Variants in ADGRB3 observed in about 807,000 individuals in gnomAD.
The protein encoded by ADGRB3 is brain-specific angiogenesis inhibitor 3.
In ADGRB3, 37 loss-of-function variants were observed where a neutral mutation model predicts 193.4. The ratio of observed to expected loss-of-function variants is 0.19; its 90% CI spans 0.15 to 0.25. The LOEUF (loss-of-function observed/expected upper bound fraction) is 0.25. Ranked by LOEUF, ADGRB3 falls within the 10% of genes least tolerant of loss-of-function variation. The pLI is 1.00. For missense variants in ADGRB3, 1,637 were observed against 1,852.9 expected, an observed-to-expected ratio of 0.88 and a Z score of 2.14; for synonymous variants, 690 against 644.2, an observed-to-expected ratio of 1.07 and a Z score of -1.08.
chr6:69,102,530 G>C (rs1211807060), intron 17 of ADGRB3, among the ~76,000 whole-genome samples: 1 of 152,126 alleles, frequency 6.6e-6, no homozygotes, highest in Admixed American at 6.5e-5. Flanking sequence ...TAGGGATCAG[G>C]GGTTGCTGGC....
At chr6:69,186,791 T>C (rs1279287067) in intron 17 of ADGRB3, among the ~76,000 whole-genome samples, 2 of 152,146 alleles carry the variant, frequency 1.3e-5, no homozygotes, top group East Asian at 3.9e-4. Context: ...TCAATGTGTG[T>C]CTGAATTTGT....
intron 3 of ADGRB3, among the ~76,000 whole-genome samples, chr6:68,716,673 A>G (rs922420591): frequency 2.6e-5 from 4 of 151,650 alleles, no homozygotes; most frequent in Non-Finnish European, 5.9e-5. Context: ...CACTGCAAAT[A>G]AGAGCTCTCT....
chr6:69,236,600 C>T (rs1029519660), intron 19 of ADGRB3, among the ~76,000 whole-genome samples: 6 of 151,920 alleles, frequency 3.9e-5, no homozygotes, highest in African/African-American at 1.4e-4. Flanking sequence ...TTGGTAATCA[C>T]AATAGTAACA....
At chr6:68,981,893 T>A (rs1470847077) in intron 10 of ADGRB3, among the ~76,000 whole-genome samples, 5 of 136,940 alleles carry the variant, frequency 3.7e-5, no homozygotes, top group African/African-American at 1.1e-4. Context: ...TATTTATTTA[T>A]TTTAGACAGA....
intron 15 of ADGRB3, among the ~76,000 whole-genome samples, chr6:69,054,759 C>A (rs1771497556): frequency 6.6e-6 from 1 of 151,498 alleles, no homozygotes; most frequent in Admixed American, 6.5e-5. Flanking sequence ...ATCTTAGCAA[C>A]CTACAGTGAA....
chr6:69,253,650 A>G (rs1766677725), intron 20 of ADGRB3, among the ~76,000 whole-genome samples: 1 of 152,090 alleles, frequency 6.6e-6, no homozygotes, highest in African/African-American at 2.4e-5. Flanking sequence ...TCTAGGGCAA[A>G]TACTCTGCTC....
chr6:68,845,736 T>A lies in ADGRB3; in HGVS notation c.758-84823T>A, dbSNP rs1417212869. On this transcript the variant is annotated intron_variant, in intron 3 of 31. Transcript: ENST00000370598. ...CATGATTGTAAGACCTCCCCAGCCATGTGAAACTGTAAGTCCAATTAAACT... is the reference window on the plus strand; with the variant it reads ...CATGATTGTAAGACCTCCCCAGCCAAGTGAAACTGTAAGTCCAATTAAACT... Among the ~76,000 whole-genome samples, 3 of 152,156 alleles carry A rather than the reference T, an allele frequency of 2.0e-5. No homozygotes were observed. In the East Asian group the frequency reaches 5.8e-4, roughly 29 times the overall value.
chr6:68,832,068 T>G (rs1316107587), intron 3 of ADGRB3, among the ~76,000 whole-genome samples: 1 of 152,182 alleles, frequency 6.6e-6, no homozygotes, highest in East Asian at 1.9e-4. Flanking sequence ...TACTTCATTT[T>G]AATTACTTGT....
intron 3 of ADGRB3, among the ~76,000 whole-genome samples, chr6:68,671,289 A>G (rs1184168084): frequency 6.6e-6 from 1 of 151,974 alleles, no homozygotes; most frequent in Admixed American, 6.6e-5. Context: ...TTCTAATACT[A>G]TGTTGAATAA....
At chr6:68,835,497 A>G (rs1768029007) in intron 3 of ADGRB3, among the ~76,000 whole-genome samples, 1 of 152,180 alleles carries the variant, frequency 6.6e-6, no homozygotes, top group Admixed American at 6.5e-5. Flanking sequence ...CAAACAGTCT[A>G]CATGACTTAT....
intron 3 of ADGRB3, among the ~76,000 whole-genome samples, chr6:68,874,589 T>C (rs1387193121): frequency 6.6e-6 from 1 of 152,166 alleles, no homozygotes; most frequent in African/African-American, 2.4e-5. Context: ...AATAGCATTT[T>C]TGAAAATCTT....
rs553561696 is a variant in ADGRB3 at position 69,226,144 on chromosome 6, T to A, written c.2481-7146T>A. 2.6e-5 allele frequency among the ~76,000 whole-genome samples: 4 copies of A among 152,308 alleles called. No individual in the cohort carries two copies. In the East Asian group the frequency reaches 7.7e-4, roughly 29 times the overall value. ...CTCAAGAGTGACATATTCTTGGTTT[T>A]AATGTGTATTTTATGACACAAAAGC... On this transcript the variant is annotated intron_variant, in intron 17 of 31. Coordinates refer to ENST00000370598, the MANE Select transcript of ADGRB3 (RefSeq NM_001704.3).
intron 17 of ADGRB3, among the ~76,000 whole-genome samples, chr6:69,229,735 A>C (rs2127255109): frequency 6.6e-6 from 1 of 152,310 alleles, no homozygotes; most frequent in African/African-American, 2.4e-5. Context: ...GTAAGCTGAT[A>C]ACTTTTCTCT....
At chr6:69,336,352 T>C (rs781074398) in intron 24 of ADGRB3, among the ~76,000 whole-genome samples, 1 of 152,028 alleles carries the variant, frequency 6.6e-6, no homozygotes, top group Non-Finnish European at 1.5e-5. Context: ...GTCTTTGTCT[T>C]ATGTACCTGA....
chr6:68,668,118 T>C (rs1054653801), intron 3 of ADGRB3, among the ~76,000 whole-genome samples: 2 of 152,110 alleles, frequency 1.3e-5, no homozygotes, highest in East Asian at 3.9e-4. Context: ...AGTTACCATG[T>C]AGAATATTGG....
chr6:69,372,781 A>G (rs926498343), intron 30 of ADGRB3, among the ~76,000 whole-genome samples: 11 of 151,918 alleles, frequency 7.2e-5, no homozygotes, highest in African/African-American at 2.7e-4. Flanking sequence ...ATTTAAAGCA[A>G]TTTTCTTGGT....
intron 3 of ADGRB3, among the ~76,000 whole-genome samples, chr6:68,853,814 T>G (rs2127391943): frequency 6.6e-6 from 1 of 152,256 alleles, no homozygotes; most frequent in South Asian, 2.1e-4. Context: ...GGTTTACAAT[T>G]TATTAGAAAG....
chr6:69,145,894 G>A (rs1483777186), intron 17 of ADGRB3, among the ~76,000 whole-genome samples: 1 of 152,054 alleles, frequency 6.6e-6, no homozygotes, highest in Non-Finnish European at 1.5e-5. Context: ...GGCTGAGTCT[G>A]GGGTTTTATG....
intron 3 of ADGRB3, among the ~76,000 whole-genome samples, chr6:68,777,449 T>A (rs556794635): frequency 6.6e-6 from 1 of 152,186 alleles, no homozygotes; most frequent in East Asian, 1.9e-4. Context: ...TTATGCAAGA[T>A]AAATTTGTAT....
Sources: gnomAD v4.1 joint callset for allele counts (sites outside exome capture counted in the v4.1 genomes callset) on GRCh38, gnomAD v4.1.1 for gene constraint, MANE v1.5 for transcripts, NCBI Gene and HGNC (gene_info 2026-07-23, HGNC 2026-07-21) for gene names.